The following SRSF1 variants were observed in gnomAD, a reference collection of about 807,000 sequenced individuals.
SRSF1 encodes the protein serine and arginine rich splicing factor 1, also known as serine/arginine-rich splicing factor 1.
SRSF1 carries 1 observed loss-of-function variant against 25.9 expected under a neutral mutation model. That is an observed-to-expected ratio of 0.04 (90% CI 0.01 to 0.18). The LOEUF (loss-of-function observed/expected upper bound fraction) is 0.18. Ranked by LOEUF, SRSF1 falls within the 10% of genes least tolerant of loss-of-function variation. The pLI, the probability that SRSF1 is intolerant of heterozygous loss-of-function variation, is 1.00. For missense variants in SRSF1, 65 were observed against 350.5 expected (o/e 0.19, Z 6.50); for synonymous variants, 132 against 126.2 (o/e 1.05, Z -0.31).
chr17:58,001,822 C>T lies in SRSF1; in HGVS notation c.*3584G>A, dbSNP rs1016250771. ...GTCATCTTAACTACAAAACCTATGC[C>T]CCTTTACCTAAGTAAACATTAGATC... On this transcript the variant is annotated 3_prime_UTR_variant, in exon 4 of 4. Transcript: ENST00000258962. Among the ~76,000 whole-genome samples, 2 of 152,190 alleles carry T rather than the reference C, an allele frequency of 1.3e-5. No individual in the cohort carries two copies. The highest frequency in any genetic ancestry group is 2.9e-5 in the Non-Finnish European group (2 of 68,022).
At position 58,004,803 on chromosome 17, in the gene SRSF1, C is replaced by G; in HGVS notation, c.*603G>C. ...GCAAAGCAATTGTAGCTAAAGACAA[C>G]TGAATAAAATGTTTGCAAGTGTTTT... On this transcript the variant is annotated 3_prime_UTR_variant, in exon 4 of 4. Transcript: ENST00000258962. 1 of 395,876 alleles carries G rather than the reference C, an allele frequency of 2.5e-6. No homozygotes were observed. Among genetic ancestry groups the G allele is most frequent in the South Asian group, 1.4e-4 (1 of 7,038 alleles). The allele number at this position is 395,876 out of a possible 1,614,324, so 24.5% of individuals were successfully genotyped here.
Position 58,005,709 on chromosome 17 carries a change from G to C in SRSF1, c.552+92C>G. On this transcript the variant is annotated intron_variant, in intron 3 of 3. Coordinates refer to ENST00000258962, the MANE Select transcript of SRSF1 (RefSeq NM_006924.5). This position sits in a 1 kb window ranked among gnomAD's most constrained non-coding sequence, Gnocchi z 5.2. ...AACCAGAAATCTGGCAATTTACTTG[G>C]ACAACCTTGCCTGAATCCTTACCTT... is the stretch of plus-strand genomic sequence containing the variant. 6.2e-7 allele frequency: 1 copy of C among 1,608,602 alleles called. No homozygotes were observed. The highest frequency in any genetic ancestry group is 8.5e-7 in the Non-Finnish European group (1 of 1,176,378).
At chr17:58,000,787 T>C (rs2075384267), downstream of SRSF1, among the ~76,000 whole-genome samples, 1 of 152,280 alleles carries the variant, frequency 6.6e-6, no homozygotes. Flanking sequence ...CAGAGCTGTA[T>C]GCACTTTATG....
At chr17:57,999,992 T>A (rs1040068563), downstream of SRSF1, among the ~76,000 whole-genome samples, 1 of 152,168 alleles carries the variant, frequency 6.6e-6, no homozygotes, top group African/African-American at 2.4e-5. Flanking sequence ...AAACTTCTTA[T>A]GAAAAGTCAT....
At chr17:57,995,956 C>A (rs1321872619), downstream of SRSF1, among the ~76,000 whole-genome samples, 2 of 152,072 alleles carry the variant, frequency 1.3e-5, no homozygotes, top group Admixed American at 1.3e-4. Flanking sequence ...GTCTGAGAAA[C>A]AGAGCAAGAC....
chr17:57,999,233 C>T (rs1269538899), downstream of SRSF1, among the ~76,000 whole-genome samples: 2 of 152,188 alleles, frequency 1.3e-5, no homozygotes, highest in Admixed American at 6.5e-5. Flanking sequence ...GAAACTGTCA[C>T]TCCATAAAAG....
rs2075398575 is a variant in SRSF1 at position 58,002,482 on chromosome 17, A to G, written c.*2924T>C. ...CTATTTATTTTAGGTCCCCTCCCCC[A>G]ACCTAAATAGTACCAAGGGGCTGTC... is the stretch of plus-strand genomic sequence containing the variant. On this transcript the variant is annotated 3_prime_UTR_variant, in exon 4 of 4. Coordinates refer to ENST00000258962, the MANE Select transcript of SRSF1 (RefSeq NM_006924.5). 2.6e-5 allele frequency among the ~76,000 whole-genome samples: 4 copies of G among 152,214 alleles called. No homozygotes were observed. The South Asian group carries it at 8.3e-4, about 32-fold the overall frequency.
intron 2 of SRSF1, 51 bp from the exon 3 acceptor site, chr17:58,006,024 T>A: frequency 3.9e-6 from 6 of 1,556,292 alleles, no homozygotes; most frequent in Non-Finnish European, 5.2e-6. Flanking sequence ...AAATTTCACG[T>A]TAAGCTGGTA....
At chr17:58,000,821 C>T (rs1567746835), downstream of SRSF1, among the ~76,000 whole-genome samples, 1 of 152,068 alleles carries the variant, frequency 6.6e-6, no homozygotes, top group African/African-American at 2.4e-5. Context: ...CCCTGTATTA[C>T]ATAAAACCCT....
At position 58,007,167 on chromosome 17, in the gene SRSF1, C is replaced by T. The variant is rs375519332; in HGVS notation, c.-30G>A. 46 of 1,611,276 alleles carry T rather than the reference C, an allele frequency of 2.9e-5. No individual in the cohort carries two copies. Among genetic ancestry groups the T allele is most frequent in the Non-Finnish European group, 3.8e-5 (45 of 1,178,830 alleles). On this transcript the variant is annotated 5_prime_UTR_variant, in exon 1 of 4. Transcript: ENST00000258962. ...GTGACGAAAAGCGCGGACTCGAGAA[C>T]AGGCCTTCCCACCAAGCCTAGCGCA...
chr17:58,006,383 G>C lies in SRSF1; in HGVS notation c.339C>G (p.Gly113=), dbSNP rs1202137574. The C allele has an allele frequency of 6.2e-7, 1 of 1,612,922 alleles. No homozygotes were observed. Among genetic ancestry groups the C allele is most frequent in the South Asian group, 1.1e-5 (1 of 91,052 alleles). Residue 113 remains glycine, a synonymous_variant, in exon 2 of 4, where the codon GGC becomes GGG. Coordinates refer to ENST00000258962, the MANE Select transcript of SRSF1 (RefSeq NM_006924.5). ...TGTTTTCAGACCGCCTGGATGGGGG[G>C]CCATAGCGACCTCGGGGAGCTCCGC... ...GGGGAPRGRY[G]PPSRRSENRV...
chr17:58,007,224 T>C lies in SRSF1; in HGVS notation c.-87A>G. On this transcript the variant is annotated 5_prime_UTR_variant, in exon 1 of 4. Transcript: ENST00000258962. ...AGCGAGCCCGCAGCGGCACCACGTCTCCCGCGGCCCCTCCAAAATGGCGCC... is the reference window on the plus strand; with the variant it reads ...AGCGAGCCCGCAGCGGCACCACGTCCCCCGCGGCCCCTCCAAAATGGCGCC... 6.7e-7 allele frequency: 1 copy of C among 1,503,444 alleles called. No homozygotes were observed. The highest frequency in any genetic ancestry group is 1.8e-5 in the Admixed American group (1 of 54,500). 93.1% of individuals were successfully genotyped at this position (1,503,444 alleles called of 1,614,324 possible).
chr17:57,996,572 T>A (rs2075366293), downstream of SRSF1, among the ~76,000 whole-genome samples: 1 of 150,388 alleles, frequency 6.6e-6, no homozygotes, highest in South Asian at 2.1e-4. Context: ...AGAGAACAGC[T>A]TAAGGGCAAC....
At chr17:57,989,654 T>G in the SRSF1 span, 5 of 398,492 alleles carry the variant, frequency 1.3e-5, no homozygotes, top group Admixed American at 1.8e-4. Flanking sequence ...GTCACCAGAA[T>G]GAAGGGGCTG....
rs561134823 is a variant in SRSF1, at chr17:58,006,386, A to G, written c.336T>C (p.Tyr112=). The G allele has an allele frequency of 6.2e-7, 1 of 1,613,040 alleles. No homozygotes were observed. The highest frequency in any genetic ancestry group is 2.2e-5 in the East Asian group (1 of 44,882). ...GGGGGAPRGR[Y]GPPSRRSENR... is the part of the protein sequence containing the mutation. ...TTTCAGACCGCCTGGATGGGGGGCCATAGCGACCTCGGGGAGCTCCGCCAC... is the reference window on the plus strand; with the variant it reads ...TTTCAGACCGCCTGGATGGGGGGCCGTAGCGACCTCGGGGAGCTCCGCCAC... Residue 112 remains tyrosine, a synonymous_variant, in exon 2 of 4, where the codon TAT becomes TAC. Coordinates refer to ENST00000258962, the MANE Select transcript of SRSF1 (RefSeq NM_006924.5).
chr17:57,989,063 T>C, the SRSF1 span: 1 of 396,208 alleles, frequency 2.5e-6, no homozygotes, highest in African/African-American at 2.1e-5. Context: ...ATTTTAGTCC[T>C]TTAGTACAGT....
rs1163580354 is a variant in SRSF1 at position 58,002,774 on chromosome 17, G to A, written c.*2632C>T. Among the ~76,000 whole-genome samples, 2 of 152,192 alleles carry A rather than the reference G, an allele frequency of 1.3e-5. No homozygotes were observed. Among genetic ancestry groups the A allele is most frequent in the Admixed American group, 6.5e-5 (1 of 15,288 alleles). ...CACCTGTAATCCTAACACTTTGGGA[G>A]GCCAAGGCAGGCAGATCACTTGAGG... On this transcript the variant is annotated 3_prime_UTR_variant, in exon 4 of 4. Transcript: ENST00000258962.
chr17:58,000,141 G>A (rs556421453), downstream of SRSF1, among the ~76,000 whole-genome samples: 14 of 151,992 alleles, frequency 9.2e-5, no homozygotes, highest in South Asian at 2.1e-4. Context: ...AATGAAGCAC[G>A]GAGTGATTTT....
chr17:57,995,181 C>T, the SRSF1 span, among the ~76,000 whole-genome samples: 1 of 152,370 alleles, frequency 6.6e-6, no homozygotes, highest in African/African-American at 2.4e-5. Flanking sequence ...GAAGTTACCA[C>T]ACATTGGCTT....
Sources: gnomAD v4.1 joint callset for allele counts (sites outside exome capture counted in the v4.1 genomes callset) on GRCh38, gnomAD v4.1.1 for gene constraint, Gnocchi (gnomAD v3.1) non-coding constraint, MANE v1.5 for transcripts, NCBI Gene and HGNC (gene_info 2026-07-23, HGNC 2026-07-21) for gene names.